The following CDH12 variants were observed in gnomAD, a reference collection of about 807,000 sequenced individuals.
CDH12 encodes cadherin 12.
Under a neutral mutation model 74.1 loss-of-function variants are expected in CDH12, and 41 were observed. That is an observed-to-expected ratio of 0.55 (90% CI 0.43 to 0.72). The LOEUF is 0.72. Ranked by LOEUF, CDH12 falls within the 30% of genes least tolerant of loss-of-function variation. The probability of loss-of-function intolerance (pLI) is 0.00; values close to 1 mark genes in which losing one functional copy is unlikely to be tolerated. For missense variants in CDH12, 945 were observed against 977.2 expected, an observed-to-expected ratio of 0.97 and a Z score of 0.44; for synonymous variants, 399 against 355.0, an observed-to-expected ratio of 1.12 and a Z score of -1.39.
At chr5:22,079,109 C>G (rs1198211006) in intron 4 of CDH12, among the ~76,000 whole-genome samples, 2 of 152,032 alleles carry the variant, frequency 1.3e-5, no homozygotes, top group African/African-American at 4.8e-5. Flanking sequence ...ATGATATTTT[C>G]AAAAAATTGG....
intron 6 of CDH12, among the ~76,000 whole-genome samples, chr5:21,924,971 A>T (rs6452035): frequency 6.6e-6 from 1 of 152,066 alleles, no homozygotes; most frequent in South Asian, 2.1e-4. Context: ...TGGAGAATGC[A>T]ACATATTTAA....
At chr5:21,883,596 G>A in intron 6 of CDH12, 1 of 1,603,914 alleles carries the variant, frequency 6.2e-7, no homozygotes, top group Non-Finnish European at 8.5e-7. Context: ...GAATCTTGAA[G>A]ATGTTCAGCC....
chr5:22,243,303 A>C (rs1752813673), intron 3 of CDH12, among the ~76,000 whole-genome samples: 1 of 152,214 alleles, frequency 6.6e-6, no homozygotes, highest in Admixed American at 6.5e-5. Context: ...AAGTAACAGA[A>C]TATTATGTAA....
chr5:21,787,651 T>C (rs1746270282), intron 10 of CDH12, among the ~76,000 whole-genome samples: 1 of 152,166 alleles, frequency 6.6e-6, no homozygotes, highest in Non-Finnish European at 1.5e-5. Flanking sequence ...AGAAGATGCT[T>C]AATATTTATT....
intron 6 of CDH12, among the ~76,000 whole-genome samples, chr5:21,900,961 ATTG>A (rs1391493575): frequency 1.3e-5 from 2 of 152,140 alleles, no homozygotes; most frequent in Non-Finnish European, 2.9e-5. Flanking sequence ...ATTCTTTCTC[ATTG>A]TTGTTTCTGC....
At chr5:22,562,832 A>G (rs1739118390) in intron 1 of CDH12, among the ~76,000 whole-genome samples, 1 of 147,990 alleles carries the variant, frequency 6.8e-6, no homozygotes. Flanking sequence ...AAATTATTTG[A>G]AAAATCTCAT....
chr5:22,557,713 A>G (rs941894511), intron 1 of CDH12, among the ~76,000 whole-genome samples: 4 of 152,072 alleles, frequency 2.6e-5, no homozygotes, highest in Non-Finnish European at 4.4e-5. Context: ...ATAAACTTCA[A>G]TATGTGTTTT....
At chr5:22,022,942 G>A (rs73061108) in intron 5 of CDH12, among the ~76,000 whole-genome samples, 33,752 of 151,368 alleles carry the variant, frequency 0.22, 3,849 homozygotes, top group South Asian at 0.33. Flanking sequence ...AATCTAACTG[G>A]TTTCCCTTCC....
At chr5:22,477,465 A>G (rs1746212744) in intron 2 of CDH12, among the ~76,000 whole-genome samples, 1 of 152,062 alleles carries the variant, frequency 6.6e-6, no homozygotes, top group South Asian at 2.1e-4. Context: ...TATGTACCAC[A>G]TTTTCTTTGC....
chr5:22,000,013 A>G (rs1736511867), intron 5 of CDH12, among the ~76,000 whole-genome samples: 1 of 151,988 alleles, frequency 6.6e-6, no homozygotes, highest in Non-Finnish European at 1.5e-5. Flanking sequence ...ATTTGTGTCT[A>G]GTTTCTTTTT....
intron 3 of CDH12, among the ~76,000 whole-genome samples, chr5:22,397,714 G>T (rs1427826409): frequency 6.6e-6 from 1 of 152,048 alleles, no homozygotes; most frequent in Non-Finnish European, 1.5e-5. Context: ...TCCAAAAATC[G>T]TAAGTTGAAG....
chr5:22,540,566 C>A (rs1404801685), intron 1 of CDH12, among the ~76,000 whole-genome samples: 1 of 151,880 alleles, frequency 6.6e-6, no homozygotes, highest in Non-Finnish European at 1.5e-5. Flanking sequence ...TGTAAAATTC[C>A]AAGACTATAT....
intron 1 of CDH12, among the ~76,000 whole-genome samples, chr5:22,537,037 T>C (rs1250895660): frequency 6.6e-6 from 1 of 152,200 alleles, no homozygotes; most frequent in African/African-American, 2.4e-5. Flanking sequence ...TGCTTCTGAA[T>C]CCTGGAGACC....
chr5:22,446,339 T>A (rs2126552123), intron 2 of CDH12, among the ~76,000 whole-genome samples: 1 of 152,204 alleles, frequency 6.6e-6, no homozygotes, highest in Admixed American at 6.6e-5. Context: ...GTAGATGACG[T>A]GCCAAGTTTC....
At chr5:22,133,238 G>A in intron 4 of CDH12, among the ~76,000 whole-genome samples, 1 of 152,034 alleles carries the variant, frequency 6.6e-6, no homozygotes, top group Non-Finnish European at 1.5e-5. Flanking sequence ...TAACTAGAAG[G>A]TATCTGGGTC....
chr5:21,925,668 C>T (rs983603109), intron 6 of CDH12, among the ~76,000 whole-genome samples: 1 of 152,200 alleles, frequency 6.6e-6, no homozygotes, highest in South Asian at 2.1e-4. Context: ...CATATATTTA[C>T]AGTCTTTAGG....
Position 21,832,898 on chromosome 5 carries a change from TATAATATATGATATA to T in CDH12, c.814+9248_814+9262del, listed in dbSNP as rs1448482225. 7.2e-3 allele frequency among the ~76,000 whole-genome samples: 600 copies of T among 83,456 alleles called. 6 individuals are homozygous for T. The highest frequency in any genetic ancestry group is 0.04 in the African/African-American group (526 of 13,094). 54.8% of individuals were successfully genotyped at this position (83,456 alleles called of 152,430 possible). On this transcript the variant is annotated intron_variant, in intron 8 of 14. Transcript: ENST00000382254. The stretch of plus-strand genomic sequence containing the variant: ...TATGATATAATATTAATATATATCA[TATAATATATGATATA>T]ATATTAATATATATCATATATTATA...
intron 1 of CDH12, among the ~76,000 whole-genome samples, chr5:22,558,218 A>G (rs1432013444): frequency 6.6e-6 from 1 of 152,022 alleles, no homozygotes; most frequent in African/African-American, 2.4e-5. Flanking sequence ...CTCTTGTATC[A>G]GAGGTAGAAG....
At chr5:22,005,680 T>C (rs993737773) in intron 5 of CDH12, among the ~76,000 whole-genome samples, 1 of 152,124 alleles carries the variant, frequency 6.6e-6, no homozygotes, top group African/African-American at 2.4e-5. Context: ...TTAACTTCTA[T>C]GAGAGCAGAG....
Sources: allele counts gnomAD v4.1 joint callset (sites outside exome capture counted in the v4.1 genomes callset), GRCh38; gene constraint gnomAD v4.1.1; transcripts MANE v1.5; gene names NCBI Gene and HGNC (gene_info 2026-07-23, HGNC 2026-07-21).